The following NDST3 variants were observed in gnomAD, a reference collection of about 807,000 sequenced individuals.
The protein encoded by NDST3 is bifunctional heparan sulfate N-deacetylase/N-sulfotransferase 3.
NDST3 carries 58 observed loss-of-function variants against 96.1 expected under a neutral mutation model. That is an observed-to-expected ratio of 0.60 (90% CI 0.49 to 0.75). The LOEUF is 0.75. Ranked by LOEUF, NDST3 falls within the 30% of genes least tolerant of loss-of-function variation. NDST3 has a pLI of 0.00. For missense variants in NDST3, 788 were observed against 1,034.2 expected (o/e 0.76, Z 3.27); for synonymous variants, 333 against 359.7 (o/e 0.93, Z 0.84).
At chr4:118,050,268 C>T (rs1725004145) in intron 1 of NDST3, among the ~76,000 whole-genome samples, 1 of 152,064 alleles carries the variant, frequency 6.6e-6, no homozygotes, top group African/African-American at 2.4e-5. Flanking sequence ...AACTCACAGC[C>T]AATGTCATAC....
chr4:118,171,506 G>T (rs1735948697), intron 6 of NDST3, among the ~76,000 whole-genome samples: 1 of 149,994 alleles, frequency 6.7e-6, no homozygotes, highest in South Asian at 2.1e-4. Flanking sequence ...ATCCACTGGG[G>T]TTTTTTTGTC....
At chr4:118,233,176 T>A in intron 9 of NDST3, 41 bp downstream of exon 9, 1 of 1,532,566 alleles carries the variant, frequency 6.5e-7, no homozygotes, top group Non-Finnish European at 8.9e-7. Context: ...GTATATGTAC[T>A]GTGCACAGTA....
intron 5 of NDST3, among the ~76,000 whole-genome samples, chr4:118,139,942 A>G (rs1176605772): frequency 2.0e-5 from 3 of 152,036 alleles, no homozygotes; most frequent in African/African-American, 7.2e-5. Context: ...CCACCACCTC[A>G]CTGCAGTCTA....
intron 2 of NDST3, among the ~76,000 whole-genome samples, chr4:118,096,139 G>A (rs13114621): frequency 1.3e-5 from 2 of 151,652 alleles, no homozygotes; most frequent in African/African-American, 4.8e-5. Context: ...TTTTTGAGTA[G>A]TCACCAAAAT....
chr4:118,128,036 G>T (rs1732267786), intron 4 of NDST3, among the ~76,000 whole-genome samples: 8 of 151,924 alleles, frequency 5.3e-5, no homozygotes, highest in Admixed American at 5.2e-4. Flanking sequence ...TGTTGATCTT[G>T]TATCTTGAAT....
chr4:118,105,365 T>G (rs1730085892), intron 3 of NDST3, among the ~76,000 whole-genome samples: 1 of 152,168 alleles, frequency 6.6e-6, no homozygotes, highest in East Asian at 1.9e-4. Flanking sequence ...AAATGTGATA[T>G]TCAGTGAATT....
At chr4:118,144,249 C>G (rs1184494529) in intron 6 of NDST3, among the ~76,000 whole-genome samples, 1 of 151,770 alleles carries the variant, frequency 6.6e-6, no homozygotes, top group Non-Finnish European at 1.5e-5. Flanking sequence ...GGCGCCATCT[C>G]GGCTCACTGC....
chr4:118,159,074 T>C (rs1734909167), intron 6 of NDST3, among the ~76,000 whole-genome samples: 1 of 152,144 alleles, frequency 6.6e-6, no homozygotes, highest in Admixed American at 6.6e-5. Flanking sequence ...TCTCCCACAG[T>C]CCCATAGGAG....
rs547239163 is a variant in NDST3 at position 118,194,108 on chromosome 4, T to C, written c.1540-30383T>C. 102 of 1,328,374 alleles carry C rather than the reference T, an allele frequency of 7.7e-5. No individual in the cohort carries two copies. In the South Asian group the frequency reaches 1.2e-3, roughly 15 times the overall value. The allele number at this position is 1,328,374 out of a possible 1,614,324, so 82.3% of individuals were successfully genotyped here. A position where few individuals can be genotyped will look rare whatever the true frequency, so the allele number is the denominator to read the frequency against. On this transcript the variant is annotated intron_variant, in intron 6 of 13. Coordinates refer to ENST00000296499, the MANE Select transcript of NDST3 (RefSeq NM_004784.3). ...TTCCTTCCTAACACTGCCAAAAGCA[T>C]AGCTGGGTTTGAGGTACACAATGGA...
At chr4:118,048,731 AATT>A (rs1724909562) in intron 1 of NDST3, among the ~76,000 whole-genome samples, 1 of 152,168 alleles carries the variant, frequency 6.6e-6, no homozygotes, top group Non-Finnish European at 1.5e-5. Flanking sequence ...TCATGAAACA[AATT>A]CTTCTTCACC....
chr4:118,220,372 T>A (rs556896548), intron 6 of NDST3, among the ~76,000 whole-genome samples: 13 of 151,966 alleles, frequency 8.6e-5, no homozygotes, highest in African/African-American at 3.1e-4. Flanking sequence ...AAACACCGCA[T>A]GTTCTCACTC....
intron 2 of NDST3, among the ~76,000 whole-genome samples, chr4:118,062,659 A>C (rs1392796807): frequency 6.8e-6 from 1 of 146,772 alleles, no homozygotes; most frequent in African/African-American, 2.5e-5. Context: ...GCGAAATCAT[A>C]AAATAGATTA....
chr4:118,175,198 T>C (rs1736200920), intron 6 of NDST3, among the ~76,000 whole-genome samples: 1 of 152,110 alleles, frequency 6.6e-6, no homozygotes, highest in Non-Finnish European at 1.5e-5. Context: ...CAACAGAATC[T>C]TTCTGCCTTT....
intron 1 of NDST3, among the ~76,000 whole-genome samples, chr4:118,042,866 C>A (rs980996444): frequency 6.6e-6 from 1 of 152,142 alleles, no homozygotes; most frequent in Non-Finnish European, 1.5e-5. Context: ...TCACTAATCT[C>A]TCTCTCTTTC....
At chr4:118,219,672 C>CA (rs1483589088) in intron 6 of NDST3, among the ~76,000 whole-genome samples, 1 of 152,018 alleles carries the variant, frequency 6.6e-6, no homozygotes, top group Admixed American at 6.6e-5. Context: ...CAACAAAAGC[C>CA]AAAATTGACA....
At chr4:118,159,116 T>C (rs950055664) in intron 6 of NDST3, among the ~76,000 whole-genome samples, 2 of 152,228 alleles carry the variant, frequency 1.3e-5, no homozygotes, top group African/African-American at 4.8e-5. Context: ...TTTTGTACAT[T>C]GAACATTTAG....
At chr4:118,239,222 T>A (rs1294243063) in intron 10 of NDST3, among the ~76,000 whole-genome samples, 2 of 152,218 alleles carry the variant, frequency 1.3e-5, no homozygotes, top group African/African-American at 4.8e-5. Context: ...GAGAATAAAG[T>A]TGCTCATTAC....
At chr4:118,218,684 C>T (rs575681212) in intron 6 of NDST3, among the ~76,000 whole-genome samples, 94 of 152,120 alleles carry the variant, frequency 6.2e-4, no homozygotes, top group African/African-American at 2.2e-3. Context: ...ATTGGAAGTT[C>T]GGCCCAAGGC....
At chr4:118,172,043 T>C (rs1007471960) in intron 6 of NDST3, among the ~76,000 whole-genome samples, 1 of 152,154 alleles carries the variant, frequency 6.6e-6, no homozygotes, top group Non-Finnish European at 1.5e-5. Flanking sequence ...TTATGAGAAA[T>C]TGGTTATTTA....
Sources: gnomAD v4.1 joint callset for allele counts (sites outside exome capture counted in the v4.1 genomes callset) on GRCh38, gnomAD v4.1.1 for gene constraint, MANE v1.5 for transcripts, NCBI Gene and HGNC (gene_info 2026-07-23, HGNC 2026-07-21) for gene names.